Variants in LIMCH1 observed in about 807,000 individuals in gnomAD.
The protein encoded by LIMCH1 is LIM and calponin homology domains-containing protein 1.
In LIMCH1, 113 loss-of-function variants were observed where a neutral mutation model predicts 176.5. The ratio of observed to expected loss-of-function variants is 0.64; its 90% CI spans 0.55 to 0.75. The LOEUF is 0.75. Ranked by LOEUF, LIMCH1 falls within the 30% of genes least tolerant of loss-of-function variation. The probability of loss-of-function intolerance (pLI) is 0.00; values close to 1 mark genes in which losing one functional copy is unlikely to be tolerated. For missense variants in LIMCH1, 1,674 were observed against 1,814.9 expected (o/e 0.92, Z 1.41); for synonymous variants, 619 against 645.9 (o/e 0.96, Z 0.63).
At chr4:41,508,180 G>A (rs560952265) in intron 2 of LIMCH1, among the ~76,000 whole-genome samples, 1 of 152,126 alleles carries the variant, frequency 6.6e-6, no homozygotes, top group African/African-American at 2.4e-5. Context: ...AAGTAGTGGG[G>A]GCAAGATTGT....
rs376949419 is a variant in LIMCH1 at position 41,619,333 on chromosome 4, G to C, written c.351G>C (p.Gln117His). The C allele has an allele frequency of 6.2e-7, 1 of 1,614,188 alleles. No individual in the cohort carries two copies. Among genetic ancestry groups the C allele is most frequent in the South Asian group, 1.1e-5 (1 of 91,080 alleles). Reference protein sequence around the residue: ...FNQYLPNKSNQTAYVPAPLRK... With the variant: ...FNQYLPNKSNHTAYVPAPLRK... Reference sequence around the variant, plus strand: ...AGTACCTCCCGAACAAAAGCAATCAGACGGCCTACGTCCCCGCGCCTCTGA... The same window carrying C: ...AGTACCTCCCGAACAAAAGCAATCACACGGCCTACGTCCCCGCGCCTCTGA... The change falls in exon 6 of 32, where the codon CAG becomes CAC. Residue 117 changes from glutamine to histidine, a missense_variant. Physicochemically the swap from Gln to His is conservative, Grantham distance 24. Transcript: ENST00000503057.
Position 41,631,246 on chromosome 4 carries a change from C to T in LIMCH1, c.1370C>T (p.Ala457Val). The change falls in exon 10 of 32, where the codon GCC becomes GTC. Residue 457 changes from alanine to valine, a missense_variant. By Grantham distance (64) the Ala-to-Val change is moderately conservative. Around this residue, in one of 3 missense-constraint regions of LIMCH1, gnomAD observed 655 missense variants for 692.2 expected, o/e 0.95. Coordinates refer to ENST00000503057, the MANE Select transcript of LIMCH1 (RefSeq NM_001330672.2). ...GACTTTGCCAACCGCAAAGCAAGGG[C>T]CTCTAAGAAAGCTTCCAGCCCCAGG... Reference protein sequence around the residue: ...RDDFANRKARASKKASSPRQK... With the variant: ...RDDFANRKARVSKKASSPRQK... 2.0e-6 allele frequency: 3 copies of T among 1,536,076 alleles called. No homozygotes were observed. Among genetic ancestry groups the T allele is most frequent in the Non-Finnish European group, 2.6e-6 (3 of 1,146,904 alleles).
At chr4:41,476,364 G>A (rs1417781084) in intron 1 of LIMCH1, among the ~76,000 whole-genome samples, 1 of 152,204 alleles carries the variant, frequency 6.6e-6, no homozygotes, top group Non-Finnish European at 1.5e-5. Context: ...GTAATACCCT[G>A]GAGACAGCAC....
intron 8 of LIMCH1, among the ~76,000 whole-genome samples, chr4:41,628,590 T>C (rs996467202): frequency 6.6e-6 from 1 of 152,170 alleles, no homozygotes; most frequent in Admixed American, 6.5e-5. Flanking sequence ...TTGAATGATA[T>C]ATTTTGTGGG....
At chr4:41,684,917 G>T (rs891349090) in intron 27 of LIMCH1, among the ~76,000 whole-genome samples, 1 of 152,034 alleles carries the variant, frequency 6.6e-6, no homozygotes, top group African/African-American at 2.4e-5. Context: ...AGGTCCCATC[G>T]GTTCCCATTG....
intron 26 of LIMCH1, 34 bp downstream of exon 26, chr4:41,682,494 A>G (rs1716804995): frequency 6.2e-7 from 1 of 1,605,252 alleles, no homozygotes; most frequent in East Asian, 2.2e-5. Context: ...ATGAAAATGT[A>G]CAAAGCTGGG....
intron 1 of LIMCH1, among the ~76,000 whole-genome samples, chr4:41,442,031 A>G (rs1048235271): frequency 4.6e-5 from 7 of 152,126 alleles, no homozygotes; most frequent in African/African-American, 1.7e-4. Flanking sequence ...ATTAATTTTA[A>G]AATAGCCTGG....
intron 1 of LIMCH1, among the ~76,000 whole-genome samples, chr4:41,570,928 G>A (rs958046639): frequency 1.3e-5 from 2 of 152,184 alleles, no homozygotes; most frequent in African/African-American, 2.4e-5. Flanking sequence ...AGGAGGTAAT[G>A]AACTGTGTCA....
At chr4:41,589,616 G>C (rs1584542733) in intron 1 of LIMCH1, among the ~76,000 whole-genome samples, 1 of 152,096 alleles carries the variant, frequency 6.6e-6, no homozygotes, top group South Asian at 2.1e-4. Context: ...TGGCTTCCCA[G>C]GTTCTCCTCC....
chr4:41,494,669 G>T, intron 2 of LIMCH1: 1 of 1,034,338 alleles, frequency 9.7e-7, no homozygotes. Flanking sequence ...ATCCAGTTTG[G>T]CTGTAAGACT....
At chr4:41,501,567 A>C (rs1238519728) in intron 2 of LIMCH1, among the ~76,000 whole-genome samples, 2 of 152,044 alleles carry the variant, frequency 1.3e-5, no homozygotes, top group Non-Finnish European at 2.9e-5. Context: ...TTCTGCTCTC[A>C]TGTTGCCTGT....
At position 41,627,004 on chromosome 4, in the gene LIMCH1, A is replaced by G. The variant is rs936316412; in HGVS notation, c.1022A>G (p.Tyr341Cys). The G allele has an allele frequency of 6.6e-7, 1 of 1,526,210 alleles. No individual in the cohort carries two copies. The highest frequency in any genetic ancestry group is 8.7e-7 in the Non-Finnish European group (1 of 1,145,104). The allele number at this position is 1,526,210 out of a possible 1,614,324, so 94.5% of individuals were successfully genotyped here. A position where few individuals can be genotyped will look rare whatever the true frequency, so the allele number is the denominator to read the frequency against. ...KGISKKRSLE[Y>C]KRNQGHTEEV... Reference sequence around the variant, plus strand: ...ATCTCAAAAAAAAGAAGTCTAGAATATAAAAGGTGTGCATGGTGTGTGTGT... The same window carrying G: ...ATCTCAAAAAAAAGAAGTCTAGAATGTAAAAGGTGTGCATGGTGTGTGTGT... The change falls in exon 8 of 32, where the codon TAT becomes TGT. Residue 341 changes from tyrosine (Y) to cysteine (C), a missense_variant. Tyr to Cys is a radical substitution (Grantham distance 194). Around this residue, in one of 3 missense-constraint regions of LIMCH1, gnomAD observed 655 missense variants for 692.2 expected, o/e 0.95. Transcript: ENST00000503057.
chr4:41,576,918 A>G (rs749280412), intron 1 of LIMCH1, among the ~76,000 whole-genome samples: 1 of 152,204 alleles, frequency 6.6e-6, no homozygotes, highest in African/African-American at 2.4e-5. Flanking sequence ...TGTTGATAAT[A>G]CACTGATATG....
intron 1 of LIMCH1, among the ~76,000 whole-genome samples, chr4:41,582,698 T>C (rs2085721428): frequency 6.6e-6 from 1 of 152,212 alleles, no homozygotes; most frequent in African/African-American, 2.4e-5. Flanking sequence ...ACATGAAGCT[T>C]TAGTATGTAA....
intron 1 of LIMCH1, among the ~76,000 whole-genome samples, chr4:41,414,603 G>A (rs1490550974): frequency 6.6e-6 from 1 of 152,126 alleles, no homozygotes; most frequent in Non-Finnish European, 1.5e-5. Flanking sequence ...TGGACCTGGA[G>A]CCTGATGTAA....
intron 21 of LIMCH1, among the ~76,000 whole-genome samples, chr4:41,668,060 CTTTTT>C (rs1267046392): frequency 1.3e-5 from 2 of 151,322 alleles, no homozygotes; most frequent in Admixed American, 1.3e-4. Flanking sequence ...TCTTGTTTTT[CTTTTT>C]TAACAGACTT....
intron 26 of LIMCH1, among the ~76,000 whole-genome samples, chr4:41,682,823 C>T (rs1166798677): frequency 4.0e-5 from 6 of 151,758 alleles, no homozygotes; most frequent in South Asian, 2.1e-4. Context: ...ACTACAGGTG[C>T]GTGCCACCAC....
chr4:41,647,700 G>C (rs4860999), intron 17 of LIMCH1, among the ~76,000 whole-genome samples: 80,719 of 152,184 alleles, frequency 0.53, 23,172 homozygotes, highest in African/African-American at 0.76. Context: ...GTGACCATTA[G>C]ATAGAAAAGT....
intron 1 of LIMCH1, among the ~76,000 whole-genome samples, chr4:41,583,048 C>T (rs2085802424): frequency 6.6e-6 from 1 of 152,176 alleles, no homozygotes; most frequent in Non-Finnish European, 1.5e-5. Context: ...CCATCCTTCC[C>T]TGTAACTTTT....
Sources: allele counts gnomAD v4.1 joint callset (sites outside exome capture counted in the v4.1 genomes callset), GRCh38; gene constraint gnomAD v4.1.1; regional missense constraint gnomAD v4.1.1; transcripts MANE v1.5; gene names NCBI Gene and HGNC (gene_info 2026-07-23, HGNC 2026-07-21).